The following FLRT2 variants were observed in gnomAD, a reference collection of about 807,000 sequenced individuals.
FLRT2 encodes the protein fibronectin leucine rich transmembrane protein 2.
FLRT2 carries 15 observed loss-of-function variants against 40.0 expected under a neutral mutation model. The observed-to-expected ratio is 0.38, with a 90% CI of 0.25 to 0.58. The LOEUF is 0.58. Ranked by LOEUF, FLRT2 falls within the 20% of genes least tolerant of loss-of-function variation. The pLI is 0.71. For missense variants in FLRT2, 726 were observed against 840.0 expected, an observed-to-expected ratio of 0.86 and a Z score of 1.68; for synonymous variants, 380 against 336.8, an observed-to-expected ratio of 1.13 and a Z score of -1.41.
chr14:85,548,050 T>G (rs991786694), intron 1 of FLRT2, among the ~76,000 whole-genome samples: 12 of 152,240 alleles, frequency 7.9e-5, no homozygotes, highest in Non-Finnish European at 1.6e-4. Context: ...AGTTCCTAGC[T>G]GGACTTTTCC....
At chr14:85,588,139 T>C (rs973054245) in intron 1 of FLRT2, among the ~76,000 whole-genome samples, 1 of 152,172 alleles carries the variant, frequency 6.6e-6, no homozygotes, top group African/African-American at 2.4e-5. Context: ...GTGTCACTAT[T>C]TGAGTCCCGA....
chr14:85,629,290 G>T lies in FLRT2; in HGVS notation c.*5793G>T, dbSNP rs935676732. ...ATGTTCTTGGTTTTTAATAGATGCAGCAATGAGAGAGTACATTGCTAAAGT... is the reference window on the plus strand; with the variant it reads ...ATGTTCTTGGTTTTTAATAGATGCATCAATGAGAGAGTACATTGCTAAAGT... On this transcript the variant is annotated 3_prime_UTR_variant, in exon 2 of 2. Coordinates refer to ENST00000330753, the MANE Select transcript of FLRT2 (RefSeq NM_013231.6). The T allele has an allele frequency of 6.6e-6, 1 of 152,178 alleles. No homozygotes were observed. Among genetic ancestry groups the T allele is most frequent in the African/African-American group, 2.4e-5 (1 of 41,446 alleles). 9.4% of individuals were successfully genotyped at this position (152,178 alleles called of 1,614,324 possible). A position where few individuals can be genotyped will look rare whatever the true frequency, so the allele number is the denominator to read the frequency against.
Position 85,639,850 on chromosome 14 carries a change from CCTTTTTTTTTTTTTTT to C in FLRT2, c.*16354_*16369del, listed in dbSNP as rs1894108690. 1 of 53,932 alleles carries C rather than the reference CCTTTTTTTTTTTTTTT, an allele frequency of 1.9e-5. No homozygotes were observed. Among genetic ancestry groups the C allele is most frequent in the Non-Finnish European group, 3.7e-5 (1 of 26,998 alleles). 3.3% of individuals were successfully genotyped at this position (53,932 alleles called of 1,614,324 possible). A position where few individuals can be genotyped will look rare whatever the true frequency, so the allele number is the denominator to read the frequency against. On this transcript the variant is annotated 3_prime_UTR_variant, in exon 2 of 2. Coordinates refer to ENST00000330753, the MANE Select transcript of FLRT2 (RefSeq NM_013231.6). ...AGAAATTCTTTATTTTTTTTTTTTTCCTTTTTTTTTTTTTTTGAGACAGTGTCTCGCTCTGTCCCCC... is the reference window on the plus strand; with the variant it reads ...AGAAATTCTTTATTTTTTTTTTTTTCGAGACAGTGTCTCGCTCTGTCCCCC...
In FLRT2 at chr14:85,641,223, C is replaced by T. The variant is rs145588113; in HGVS notation, c.*17726C>T. The T allele has an allele frequency of 2.8e-4, 43 of 152,318 alleles. No homozygotes were observed. The highest frequency in any genetic ancestry group is 9.4e-4 in the African/African-American group (39 of 41,564). The allele number at this position is 152,318 out of a possible 1,614,324, so 9.4% of individuals were successfully genotyped here. On this transcript the variant is annotated 3_prime_UTR_variant, in exon 2 of 2. Coordinates refer to ENST00000330753, the MANE Select transcript of FLRT2 (RefSeq NM_013231.6). The stretch of plus-strand genomic sequence containing the variant: ...GGAAAGCTGTGACAGTCAGCTTTTT[C>T]CCTGGATATGGCTTATTGGTATTCA...
chr14:85,550,232 G>A (rs1002170129), intron 1 of FLRT2, among the ~76,000 whole-genome samples: 5 of 150,574 alleles, frequency 3.3e-5, no homozygotes, highest in African/African-American at 9.7e-5. Flanking sequence ...CGAGAAAATA[G>A]CCACATTCGT....
intron 1 of FLRT2, among the ~76,000 whole-genome samples, chr14:85,606,324 A>G (rs1423686333): frequency 6.6e-6 from 1 of 152,182 alleles, no homozygotes; most frequent in Non-Finnish European, 1.5e-5. Flanking sequence ...GAATATTGGT[A>G]GGAAATTTTC....
intron 1 of FLRT2, among the ~76,000 whole-genome samples, chr14:85,557,858 A>G (rs1890069680): frequency 6.6e-6 from 1 of 152,188 alleles, no homozygotes; most frequent in Non-Finnish European, 1.5e-5. Context: ...TAACAAAAGC[A>G]AACTAAAAAG....
intron 1 of FLRT2, among the ~76,000 whole-genome samples, chr14:85,589,386 T>A (rs1891781691): frequency 6.6e-6 from 1 of 152,236 alleles, no homozygotes; most frequent in Non-Finnish European, 1.5e-5. Flanking sequence ...CCTTTTCATA[T>A]GCCTGATTGC....
chr14:85,621,718 C>G lies in FLRT2; in HGVS notation c.204C>G (p.Leu68=). 1 of 1,614,156 alleles carries G rather than the reference C, an allele frequency of 6.2e-7. No homozygotes were observed. Among genetic ancestry groups the G allele is most frequent in the Non-Finnish European group, 8.5e-7 (1 of 1,180,026 alleles). ...PLGIPEGVTV[L]YLHNNQINNA... ...GGATCCCGGAGGGCGTAACTGTACTCTACCTCCACAACAACCAAATTAATA... is the reference window on the plus strand; with the variant it reads ...GGATCCCGGAGGGCGTAACTGTACTGTACCTCCACAACAACCAAATTAATA... The change falls in exon 2 of 2, where the codon CTC becomes CTG. Residue 68 remains leucine (L), a synonymous_variant. Transcript: ENST00000330753.
chr14:85,611,899 A>AGAGC (rs1555370791), intron 1 of FLRT2, among the ~76,000 whole-genome samples: 7 of 126,706 alleles, frequency 5.5e-5, no homozygotes, highest in Non-Finnish European at 1.1e-4. Context: ...AGAGAGAGAG[A>AGAGC]GCGCGCGTGC....
At chr14:85,585,683 AT>A (rs999180784) in intron 1 of FLRT2, among the ~76,000 whole-genome samples, 3 of 151,824 alleles carry the variant, frequency 2.0e-5, no homozygotes, top group African/African-American at 7.3e-5. Flanking sequence ...AAAATAAATG[AT>A]TTTTTTTGAG....
At chr14:85,566,552 T>TGTGTGTGTGC (rs1438497417) in intron 1 of FLRT2, among the ~76,000 whole-genome samples, 3 of 134,306 alleles carry the variant, frequency 2.2e-5, no homozygotes, top group Non-Finnish European at 3.4e-5. Flanking sequence ...TCCATGGTTG[T>TGTGTGTGTGC]GTGTGTGTGT....
chr14:85,531,925 T>A (rs574321174), intron 1 of FLRT2, among the ~76,000 whole-genome samples: 1 of 152,272 alleles, frequency 6.6e-6, no homozygotes, highest in South Asian at 2.1e-4. Flanking sequence ...CGGGCGTGCG[T>A]CTGGGTGGAT....
chr14:85,578,221 T>C (rs868860686), intron 1 of FLRT2, among the ~76,000 whole-genome samples: 7 of 146,580 alleles, frequency 4.8e-5, no homozygotes, highest in Non-Finnish European at 1.0e-4. Flanking sequence ...TATACGTATA[T>C]ATATTTATAT....
intron 1 of FLRT2, among the ~76,000 whole-genome samples, chr14:85,603,856 C>T (rs968011001): frequency 2.6e-5 from 4 of 152,028 alleles, no homozygotes; most frequent in African/African-American, 4.8e-5. Context: ...GGCGACAGAG[C>T]GAGACTCAAT....
At position 85,636,914 on chromosome 14, in the gene FLRT2, G is replaced by A. The variant is rs1484459792; in HGVS notation, c.*13417G>A. On this transcript the variant is annotated 3_prime_UTR_variant, in exon 2 of 2. Coordinates refer to ENST00000330753, the MANE Select transcript of FLRT2 (RefSeq NM_013231.6). ...ACTGCATTCTAGCCTGGGTGACAGA[G>A]CGATACTTCGTCTCCAAAAAAAAAA... 1 of 116,150 alleles carries A rather than the reference G, an allele frequency of 8.6e-6. No homozygotes were observed. The highest frequency in any genetic ancestry group is 2.7e-4 in the East Asian group (1 of 3,682). 7.2% of individuals were successfully genotyped at this position (116,150 alleles called of 1,614,324 possible).
At chr14:85,616,929 G>T (rs1251593974) in intron 1 of FLRT2, among the ~76,000 whole-genome samples, 3 of 152,160 alleles carry the variant, frequency 2.0e-5, no homozygotes, top group Non-Finnish European at 2.9e-5. Context: ...ATGTCCATGG[G>T]AGAAGTATTT....
intron 1 of FLRT2, among the ~76,000 whole-genome samples, chr14:85,615,241 G>T (rs903047844): frequency 6.6e-6 from 1 of 152,190 alleles, no homozygotes; most frequent in Non-Finnish European, 1.5e-5. Flanking sequence ...AGTAGTGAAA[G>T]TGTCTTCAAT....
chr14:85,577,662 C>G (rs751398284), intron 1 of FLRT2, among the ~76,000 whole-genome samples: 1 of 151,934 alleles, frequency 6.6e-6, no homozygotes, highest in Non-Finnish European at 1.5e-5. Flanking sequence ...TCATAGCTTG[C>G]TGTAATCTGG....
Sources: gnomAD v4.1 joint callset for allele counts (sites outside exome capture counted in the v4.1 genomes callset) on GRCh38, gnomAD v4.1.1 for gene constraint, MANE v1.5 for transcripts, NCBI Gene and HGNC (gene_info 2026-07-23, HGNC 2026-07-21) for gene names.